OR10Q1: variants seen among roughly 807,000 people sequenced by gnomAD.
OR10Q1 encodes the protein olfactory receptor family 10 subfamily Q member 1.
For missense variants in OR10Q1, 435 were observed against 414.0 expected (o/e 1.05, Z -0.44); for synonymous variants, 211 against 180.5 (o/e 1.17, Z -1.35).
Position 58,228,114 on chromosome 11 carries a change from C to T in OR10Q1, c.762G>A (p.Leu254=), listed in dbSNP as rs1853108473. The change falls in exon 1 of 1, where the codon CTG becomes CTA. Residue 254 remains leucine, a synonymous_variant. Transcript: ENST00000316770. ...CGAGGCTGCAGCAGCCATACTGCAG[C>T]AGGACCACGGTGAGGTGGAAGGAGC... ...STCSFHLTVV[L]LQYGCCSLVY... The T allele has an allele frequency of 6.2e-7, 1 of 1,614,202 alleles. No individual in the cohort carries two copies. Among genetic ancestry groups the T allele is most frequent in the Non-Finnish European group, 8.5e-7 (1 of 1,180,032 alleles).
rs747598804 is a variant in OR10Q1, at chr11:58,228,534, C to T, written c.342G>A (p.Thr114=). The T allele has an allele frequency of 1.2e-6, 2 of 1,614,094 alleles. No homozygotes were observed. Among genetic ancestry groups the T allele is most frequent in the South Asian group, 1.1e-5 (1 of 91,078 alleles). ...CCATGATCGCCAAGAGGAAACAGTC[C>T]GTGCTGCCGAGGGTGACAAAGAAGA... ...QMFFFVTLGS[T]DCFLLAIMAY... is the part of the protein sequence containing the mutation. Residue 114 remains threonine (T), a synonymous_variant, in exon 1 of 1, where the codon ACG becomes ACA. Transcript: ENST00000316770.
At position 58,228,870 on chromosome 11, in the gene OR10Q1, A is replaced by T; in HGVS notation, c.6T>A (p.Pro2=). 1 of 1,613,824 alleles carries T rather than the reference A, an allele frequency of 6.2e-7. No homozygotes were observed. The highest frequency in any genetic ancestry group is 8.5e-7 in the Non-Finnish European group (1 of 1,179,790). The change falls in exon 1 of 1, where the codon CCT becomes CCA. Residue 2 remains proline (P), a synonymous_variant. Transcript: ENST00000316770. M[P]VGKLVFNQSE... ...ACTGGTTGAAGACAAGTTTCCCCAC[A>T]GGCATGTCTTATGCAAAAGAATAGG... is the stretch of plus-strand genomic sequence containing the variant.
chr11:58,228,607 A>C lies in OR10Q1; in HGVS notation c.269T>G (p.Leu90Trp), dbSNP rs896312638. The change falls in exon 1 of 1, where the codon TTG becomes TGG. Residue 90 changes from leucine to tryptophan, a missense_variant. By Grantham distance (61) the Leu-to-Trp change is moderately conservative. Coordinates refer to ENST00000316770, the MANE Select transcript of OR10Q1 (RefSeq NM_001004471.2). ...CAACGAAATGGGCTTCTGGGCCCCC[A>C]AAATGTTGGAAAGCATCAAGGGTAC... Reference protein sequence around the residue: ...VVVPLMLSNILGAQKPISLAG... With the variant: ...VVVPLMLSNIWGAQKPISLAG... 7.4e-6 allele frequency: 12 copies of C among 1,614,000 alleles called. No individual in the cohort carries two copies. The highest frequency in any genetic ancestry group is 1.0e-5 in the Non-Finnish European group (12 of 1,180,032).
Position 58,227,886 on chromosome 11 carries a change from A to G in OR10Q1, c.*30T>C, listed in dbSNP as rs1565112316. On this transcript the variant is annotated 3_prime_UTR_variant, in exon 1 of 1. Coordinates refer to ENST00000316770, the MANE Select transcript of OR10Q1 (RefSeq NM_001004471.2). The stretch of plus-strand genomic sequence containing the variant: ...TTAGAGTTCTTTGACACAGCAACAG[A>G]CAGACACCCAGCCCAGTGCCCCTAA... 3 of 1,581,900 alleles carry G rather than the reference A, an allele frequency of 1.9e-6. No homozygotes were observed. Among genetic ancestry groups the G allele is most frequent in the Non-Finnish European group, 2.6e-6 (3 of 1,161,584 alleles).
In OR10Q1 at chr11:58,228,324, G is replaced by A. The variant is rs1342853917; in HGVS notation, c.552C>T (p.Cys184=). The A allele has an allele frequency of 7.4e-6, 12 of 1,613,786 alleles. No individual in the cohort carries two copies. Among genetic ancestry groups the A allele is most frequent in the Non-Finnish European group, 1.0e-5 (12 of 1,180,024 alleles). The change falls in exon 1 of 1, where the codon TGC becomes TGT. Residue 184 remains cysteine (C), a synonymous_variant. Coordinates refer to ENST00000316770, the MANE Select transcript of OR10Q1 (RefSeq NM_001004471.2). ...GHHQEINHFL[C]DVPPVLRLAC... is the part of the protein sequence containing the mutation. The stretch of plus-strand genomic sequence containing the variant: ...CCAGGCGCAGGACGGGAGGCACATC[G>A]CAGAGGAAGTGGTTGATTTCCTGGT...
At position 58,227,996 on chromosome 11, in the gene OR10Q1, G is replaced by T. The variant is rs2120095630; in HGVS notation, c.880C>A (p.Leu294Ile). Reference sequence around the variant, plus strand: ...ACATCCTTGTTCCTAAGGCTGTAAAGCAAAGGGTTGAGTAAGGGGGTGACA... The same window carrying T: ...ACATCCTTGTTCCTAAGGCTGTAAATCAAAGGGTTGAGTAAGGGGGTGACA... ...TFVTPLLNPL[L>I]YSLRNKDVKG... Residue 294 changes from leucine (L) to isoleucine (I), a missense_variant, in exon 1 of 1, where the codon CTT becomes ATT. Physicochemically the swap from Leu to Ile is conservative, Grantham distance 5 (BLOSUM62 2). Transcript: ENST00000316770. 6.2e-7 allele frequency: 1 copy of T among 1,614,154 alleles called. No individual in the cohort carries two copies. Among genetic ancestry groups the T allele is most frequent in the East Asian group, 2.2e-5 (1 of 44,872 alleles).
In OR10Q1 at chr11:58,228,073, C is replaced by T. The variant is rs200434876; in HGVS notation, c.803G>A (p.Arg268Gln). 5 of 1,614,070 alleles carry T rather than the reference C, an allele frequency of 3.1e-6. No homozygotes were observed. The highest frequency in any genetic ancestry group is 1.3e-5 in the African/African-American group (1 of 75,000). The change falls in exon 1 of 1, where the codon CGG becomes CAG. Residue 268 changes from arginine (R) to glutamine (Q), a missense_variant. Physicochemically the swap from Arg to Gln is conservative, Grantham distance 43. Transcript: ENST00000316770. Reference protein sequence around the residue: ...GCCSLVYLRPRSSTSEDEDSQ... With the variant: ...GCCSLVYLRPQSSTSEDEDSQ... ...GTCCTCATCCTCTGAGGTGCTGGAC[C>T]GAGGACGCAGGTACACGAGGCTGCA... is the stretch of plus-strand genomic sequence containing the variant.
In OR10Q1 at chr11:58,228,451, C is replaced by A; in HGVS notation, c.425G>T (p.Arg142Leu). Residue 142 changes from arginine (R) to leucine (L), a missense_variant, in exon 1 of 1, where the codon CGC becomes CTC. Physicochemically the swap from Arg to Leu is moderately radical, Grantham distance 102. Transcript: ENST00000316770. ...HPLHYTLIMT[R>L]ELCTQMLGGA... ...ACCCAGCATCTGCGTGCACAGCTCG[C>A]GGGTCATGATGAGGGTGTAGTGCAG... The A allele has an allele frequency of 6.2e-7, 1 of 1,614,026 alleles. No individual in the cohort carries two copies. The highest frequency in any genetic ancestry group is 2.2e-5 in the East Asian group (1 of 44,848).
At position 58,228,336 on chromosome 11, in the gene OR10Q1, G is replaced by A. The variant is rs1210670230; in HGVS notation, c.540C>T (p.Asn180=). ...CGGGAGGCACATCGCAGAGGAAGTG[G>A]TTGATTTCCTGGTGGTGGCCGCAAA... ...LPFCGHHQEI[N]HFLCDVPPVL... Residue 180 remains asparagine, a synonymous_variant, in exon 1 of 1, where the codon AAC becomes AAT. Coordinates refer to ENST00000316770, the MANE Select transcript of OR10Q1 (RefSeq NM_001004471.2). The A allele has an allele frequency of 6.2e-7, 1 of 1,613,862 alleles. No homozygotes were observed. The highest frequency in any genetic ancestry group is 1.3e-5 in the African/African-American group (1 of 74,920).
At position 58,227,991 on chromosome 11, in the gene OR10Q1, G is replaced by A; in HGVS notation, c.885C>T (p.Tyr295=). The change falls in exon 1 of 1, where the codon TAC becomes TAT. Residue 295 remains tyrosine (Y), a synonymous_variant. Coordinates refer to ENST00000316770, the MANE Select transcript of OR10Q1 (RefSeq NM_001004471.2). ...CTTTGACATCCTTGTTCCTAAGGCTGTAAAGCAAAGGGTTGAGTAAGGGGG... is the reference window on the plus strand; with the variant it reads ...CTTTGACATCCTTGTTCCTAAGGCTATAAAGCAAAGGGTTGAGTAAGGGGG... The part of the protein sequence containing the change: ...FVTPLLNPLL[Y]SLRNKDVKGA... 6.2e-7 allele frequency: 1 copy of A among 1,614,140 alleles called. No homozygotes were observed. Among genetic ancestry groups the A allele is most frequent in the Non-Finnish European group, 8.5e-7 (1 of 1,180,032 alleles).
rs752966610 is a variant in OR10Q1 at position 58,228,414 on chromosome 11, G to A, written c.462C>T (p.Gly154=). 1.2e-6 allele frequency: 2 copies of A among 1,614,064 alleles called. No individual in the cohort carries two copies. The highest frequency in any genetic ancestry group is 2.2e-5 in the South Asian group (2 of 91,070). The change falls in exon 1 of 1, where the codon GGC becomes GGT. Residue 154 remains glycine, a synonymous_variant. Coordinates refer to ENST00000316770, the MANE Select transcript of OR10Q1 (RefSeq NM_001004471.2). ...LCTQMLGGAL[G]LALFPSLQLT... ...GCTGCAGGGAGGGGAAGAGGGCCAG[G>A]CCCAGGGCCCCACCCAGCATCTGCG...
chr11:58,228,525 G>A lies in OR10Q1; in HGVS notation c.351C>T (p.Phe117=). 2.5e-6 allele frequency: 4 copies of A among 1,614,132 alleles called. No homozygotes were observed. The highest frequency in any genetic ancestry group is 3.4e-6 in the Non-Finnish European group (4 of 1,180,018). ...GGTCATAGGCCATGATCGCCAAGAG[G>A]AAACAGTCCGTGCTGCCGAGGGTGA... The part of the protein sequence containing the change: ...FFVTLGSTDC[F]LLAIMAYDRY... Residue 117 remains phenylalanine, a synonymous_variant, in exon 1 of 1, where the codon TTC becomes TTT. Coordinates refer to ENST00000316770, the MANE Select transcript of OR10Q1 (RefSeq NM_001004471.2).
Position 58,228,638 on chromosome 11 carries a change from C to A in OR10Q1, c.238G>T (p.Val80Leu), listed in dbSNP as rs754698226. ...LSFLELCYTTVVVPLMLSNIL... is the reference protein window; with the variant it reads ...LSFLELCYTTLVVPLMLSNIL... ...TTGGAAAGCATCAAGGGTACTACCA[C>A]GGTGGTGTAGCAGAGTTCCAGGAAA... Residue 80 changes from valine (V) to leucine (L), a missense_variant, in exon 1 of 1, where the codon GTG (valine) becomes TTG (leucine). Transcript: ENST00000316770. 1 of 1,614,112 alleles carries A rather than the reference C, an allele frequency of 6.2e-7. No homozygotes were observed. The highest frequency in any genetic ancestry group is 1.6e-4 in the Middle Eastern group (1 of 6,062).
rs1322336669 is a variant in OR10Q1, at chr11:58,228,062, A to AT, written c.813_814insA (p.Ser272IlefsTer4). ...GCGATTTGGCTGTCCTCATCCTCTG[A>AT]GGTGCTGGACCGAGGACGCAGGTAC... is the stretch of plus-strand genomic sequence containing the variant. On this transcript the variant is annotated frameshift_variant, in exon 1 of 1. Transcript: ENST00000316770. LOFTEE classifies it low-confidence loss of function (END_TRUNC). 3 of 1,614,162 alleles carry AT rather than the reference A, an allele frequency of 1.9e-6. No individual in the cohort carries two copies. In the Admixed American group the frequency reaches 5.0e-5, roughly 27 times the overall value.
chr11:58,227,935 G>A lies in OR10Q1; in HGVS notation c.941C>T (p.Ala314Val), dbSNP rs1378962173. Reference protein sequence around the residue: ...GALRSAIIRKAASDAN With the variant: ...GALRSAIIRKVASDAN ...AAGCCTTCAGTTGGCGTCAGAGGCT[G>A]CTTTACGGATAATGGCACTCCTCAG... Residue 314 changes from alanine to valine, a missense_variant, in exon 1 of 1, where the codon GCA becomes GTA. Physicochemically the swap from Ala to Val is moderately conservative, Grantham distance 64. Coordinates refer to ENST00000316770, the MANE Select transcript of OR10Q1 (RefSeq NM_001004471.2). 3 of 1,612,426 alleles carry A rather than the reference G, an allele frequency of 1.9e-6. No homozygotes were observed. The highest frequency in any genetic ancestry group is 2.5e-6 in the Non-Finnish European group (3 of 1,178,896).
Position 58,228,517 on chromosome 11 carries a change from G to T in OR10Q1, c.359C>A (p.Ala120Glu), listed in dbSNP as rs746612596. ...CACATAGCGGTCATAGGCCATGATC[G>T]CCAAGAGGAAACAGTCCGTGCTGCC... is the stretch of plus-strand genomic sequence containing the variant. Reference protein sequence around the residue: ...TLGSTDCFLLAIMAYDRYVAI... With the variant: ...TLGSTDCFLLEIMAYDRYVAI... Residue 120 changes from alanine to glutamate, a missense_variant, in exon 1 of 1, where the codon GCG becomes GAG. By Grantham distance (107) the Ala-to-Glu change is moderately radical. Coordinates refer to ENST00000316770, the MANE Select transcript of OR10Q1 (RefSeq NM_001004471.2). The T allele has an allele frequency of 6.2e-7, 1 of 1,613,960 alleles. No homozygotes were observed. The highest frequency in any genetic ancestry group is 8.5e-7 in the Non-Finnish European group (1 of 1,180,020).
rs1419794202 is a variant in OR10Q1, at chr11:58,227,931, G to A, written c.945C>T (p.Ala315=). The change falls in exon 1 of 1, where the codon GCC becomes GCT. Residue 315 remains alanine (A), a synonymous_variant. Coordinates refer to ENST00000316770, the MANE Select transcript of OR10Q1 (RefSeq NM_001004471.2). ...ALRSAIIRKA[A]SDAN ...CCCTAAGCCTTCAGTTGGCGTCAGA[G>A]GCTGCTTTACGGATAATGGCACTCC... 2 of 1,610,992 alleles carry A rather than the reference G, an allele frequency of 1.2e-6. No individual in the cohort carries two copies. The highest frequency in any genetic ancestry group is 2.2e-5 in the East Asian group (1 of 44,812).
rs368629967 is a variant in OR10Q1, at chr11:58,228,459, G to C, written c.417C>G (p.Ile139Met). 21 of 1,614,172 alleles carry C rather than the reference G, an allele frequency of 1.3e-5. No individual in the cohort carries two copies. The highest frequency in any genetic ancestry group is 1.7e-5 in the Non-Finnish European group (20 of 1,180,042). The change falls in exon 1 of 1, where the codon ATC (isoleucine) becomes ATG (methionine). Residue 139 changes from isoleucine to methionine, a missense_variant. Transcript: ENST00000316770. ...AICHPLHYTL[I>M]MTRELCTQML... ...TCTGCGTGCACAGCTCGCGGGTCAT[G>C]ATGAGGGTGTAGTGCAGCGGGTGGC...
rs757666569 is a variant in OR10Q1 at position 58,228,157 on chromosome 11, C to T, written c.719G>A (p.Arg240His). The T allele has an allele frequency of 6.2e-6, 10 of 1,613,840 alleles. No individual in the cohort carries two copies. The highest frequency in any genetic ancestry group is 4.4e-5 in the South Asian group (4 of 91,048). ...ILSIRSAEGR[R>H]RAFSTCSFHL... is the part of the protein sequence containing the mutation. ...GAAGGAGCAGGTGGAGAAGGCCCGG[C>T]GGCGGCCCTCGGCAGAACGGATGCT... Residue 240 changes from arginine to histidine, a missense_variant, in exon 1 of 1, where the codon CGC becomes CAC. Physicochemically the swap from Arg to His is conservative, Grantham distance 29. Coordinates refer to ENST00000316770, the MANE Select transcript of OR10Q1 (RefSeq NM_001004471.2).
Sources: gnomAD v4.1 joint callset for allele counts on GRCh38, gnomAD v4.1.1 for gene constraint, MANE v1.5 for transcripts, NCBI Gene and HGNC (gene_info 2026-07-23, HGNC 2026-07-21) for gene names.